The following ZNF506 variants were observed in gnomAD, a reference collection of about 807,000 sequenced individuals.
The protein encoded by ZNF506 is zinc finger protein 506.
In ZNF506, 10 loss-of-function variants were observed where a neutral mutation model predicts 11.6. That is an observed-to-expected ratio of 0.86 (90% CI 0.53 to 1.46). ZNF506 has a LOEUF of 1.46. Ranked by LOEUF, ZNF506 falls within the 40% of genes most tolerant of loss-of-function variation. ZNF506 has a pLI of 0.00. For synonymous variants in ZNF506, 156 were observed against 173.3 expected (o/e 0.90, Z 0.78); for missense variants, 425 against 521.2 (o/e 0.82, Z 1.80).
rs945142958 is a variant in ZNF506, at chr19:19,793,156, A to T, written c.*1396T>A. ...AAGAAACAAGTACACTTTCAATGAA[A>T]TTACAATGCTTCAGAAAATCTCCCT... is the stretch of plus-strand genomic sequence containing the variant. On this transcript the variant is annotated 3_prime_UTR_variant, in exon 4 of 4. Transcript: ENST00000540806. 1.4e-4 allele frequency among the ~76,000 whole-genome samples: 21 copies of T among 152,150 alleles called. 1 individual carries two copies. Among genetic ancestry groups the T allele is most frequent in the Non-Finnish European group, 1.5e-5 (1 of 68,008 alleles).
rs543859981 is a variant in ZNF506 at position 19,803,362 on chromosome 19, A to C, written c.226+2669T>G. 2.1e-4 allele frequency among the ~76,000 whole-genome samples: 32 copies of C among 152,306 alleles called. 2 individuals carry two copies. The South Asian group carries it at 6.6e-3, about 32-fold the overall frequency. ...TGACTCAGTTTCATTTACCTGTGCC[A>C]CAGTTTATGGTCAGTTCTGCCTACA... is the stretch of plus-strand genomic sequence containing the variant. On this transcript the variant is annotated intron_variant, in intron 3 of 3. Coordinates refer to ENST00000540806, the MANE Select transcript of ZNF506 (RefSeq NM_001099269.3).
chr19:19,808,108 CTT>C (rs757160026), intron 1 of ZNF506, among the ~76,000 whole-genome samples: 9 of 56,728 alleles, frequency 1.6e-4, no homozygotes, highest in African/African-American at 5.4e-4. Context: ...TCATTAACCA[CTT>C]TTTTTTTTTT....
intron 3 of ZNF506, chr19:19,798,160 A>G (rs1020323789): frequency 1.3e-5 from 2 of 152,240 alleles, no homozygotes; most frequent in African/African-American, 4.8e-5. Flanking sequence ...TTTAAAAGAT[A>G]AAAGTATGGA....
At chr19:19,817,831 C>CTT (rs35321486) in intron 1 of ZNF506, among the ~76,000 whole-genome samples, 1,276 of 127,574 alleles carry the variant, frequency 0.01, 33 homozygotes, top group African/African-American at 0.034. Context: ...TTTTAAGGTG[C>CTT]TTTTTTTTTT....
chr19:19,793,460 T>A lies in ZNF506; in HGVS notation c.*1092A>T, dbSNP rs3087767. 0.48 allele frequency among the ~76,000 whole-genome samples: 72,836 copies of A among 152,012 alleles called. 18,707 individuals are homozygous for A. Among genetic ancestry groups the A allele is most frequent in the East Asian group, 0.7 (3,621 of 5,176 alleles). On this transcript the variant is annotated 3_prime_UTR_variant, in exon 4 of 4. Transcript: ENST00000540806. ...ACTCTTCTCCAATATAAATTCCATG[T>A]TGTTGAATAAAGCTGGAGCAACTGC...
chr19:19,808,428 T>C (rs2062854885), intron 1 of ZNF506, among the ~76,000 whole-genome samples: 1 of 150,870 alleles, frequency 6.6e-6, no homozygotes, highest in Non-Finnish European at 1.5e-5. Flanking sequence ...CAGCCAATCA[T>C]TAACCATTAA....
chr19:19,816,570 G>A (rs1008272841), intron 1 of ZNF506, among the ~76,000 whole-genome samples: 1 of 152,126 alleles, frequency 6.6e-6, no homozygotes, highest in African/African-American at 2.4e-5. Flanking sequence ...CTGTTAGCCA[G>A]GATGGTCTCG....
rs1389450656 is a variant in ZNF506, at chr19:19,793,974, G to C, written c.*578C>G. On this transcript the variant is annotated 3_prime_UTR_variant, in exon 4 of 4. Coordinates refer to ENST00000540806, the MANE Select transcript of ZNF506 (RefSeq NM_001099269.3). ...CACTGTTGCATCTTTCAGGTTTGTA[G>C]AGTTCCTCTTCAGCATGAATTATCG... 6 of 153,518 alleles carry C rather than the reference G, an allele frequency of 3.9e-5. No homozygotes were observed. The highest frequency in any genetic ancestry group is 1.2e-4 in the African/African-American group (5 of 41,576). The allele number at this position is 153,518 out of a possible 1,614,324, so 9.5% of individuals were successfully genotyped here.
Position 19,795,496 on chromosome 19 carries a change from T to C in ZNF506, c.391A>G (p.Asn131Asp), listed in dbSNP as rs763274080. The C allele has an allele frequency of 8.8e-6, 14 of 1,598,550 alleles. No homozygotes were observed. Among genetic ancestry groups the C allele is most frequent in the Non-Finnish European group, 8.5e-7 (1 of 1,174,662 alleles). ...GTTGCCAAACATTGTTTAAGTCCAT[T>C]ATAACCTCTTTTGTGCACTGGACAC... ...DECPVHKRGY[N>D]GLKQCLATTQ... Residue 131 changes from asparagine (N) to aspartate (D), a missense_variant, in exon 4 of 4, where the codon AAT (asparagine) becomes GAT (aspartate). Transcript: ENST00000540806.
intron 1 of ZNF506, among the ~76,000 whole-genome samples, chr19:19,808,163 G>GC (rs1184118593): frequency 1.8e-5 from 2 of 110,732 alleles, no homozygotes; most frequent in South Asian, 3.0e-4. Flanking sequence ...TCGCTAGGTC[G>GC]CCCAGGCCGG....
At chr19:19,812,639 T>C (rs2062891985) in intron 1 of ZNF506, among the ~76,000 whole-genome samples, 2 of 152,198 alleles carry the variant, frequency 1.3e-5, no homozygotes, top group Admixed American at 1.3e-4. Flanking sequence ...AGAAAATGCC[T>C]TTTGTTAGTT....
intron 3 of ZNF506, 150 bp from the exon 4 acceptor site, chr19:19,795,810 G>A (rs1352629701): frequency 6.3e-6 from 5 of 798,750 alleles, no homozygotes; most frequent in Non-Finnish European, 7.3e-6. Context: ...ATATATAACT[G>A]TAACAAAAAC....
intron 1 of ZNF506, among the ~76,000 whole-genome samples, chr19:19,811,927 T>C (rs2062886589): frequency 1.3e-5 from 2 of 152,100 alleles, no homozygotes; most frequent in African/African-American, 4.8e-5. Context: ...AACCATATGA[T>C]GCACAATTCA....
At chr19:19,807,195 A>G in intron 1 of ZNF506, 127 bp from the exon 2 acceptor site, 3 of 1,463,080 alleles carry the variant, frequency 2.1e-6, no homozygotes, top group Non-Finnish European at 2.8e-6. Flanking sequence ...ATCCAATAAA[A>G]TGATTTTCAA....
chr19:19,811,790 A>G (rs922600099), intron 1 of ZNF506, among the ~76,000 whole-genome samples: 5 of 152,186 alleles, frequency 3.3e-5, no homozygotes, highest in Admixed American at 2.0e-4. Context: ...AATATAAAAA[A>G]AAGGAAATTA....
chr19:19,801,182 G>C (rs184405904), intron 3 of ZNF506, among the ~76,000 whole-genome samples: 22 of 151,716 alleles, frequency 1.5e-4, no homozygotes, highest in East Asian at 5.8e-4. Context: ...AAAAAGAAAA[G>C]AAAACAAAAC....
chr19:19,811,584 G>A lies in ZNF506; in HGVS notation c.4-4516C>T, dbSNP rs554355832. Among the ~76,000 whole-genome samples the A allele has an allele frequency of 1.7e-4, 26 of 152,136 alleles. No individual in the cohort carries two copies. The South Asian group carries it at 4.8e-3, about 28-fold the overall frequency. On this transcript the variant is annotated intron_variant, in intron 1 of 3. Transcript: ENST00000540806. ...TTTGGTAGGCCGAGGTGGGTGGATC[G>A]CGAGGTCAGGAGTTCAAGACCAGCC...
chr19:19,795,510 T>G lies in ZNF506; in HGVS notation c.377A>C (p.His126Pro), dbSNP rs1213673622. ...GCESVDECPV[H>P]KRGYNGLKQC... is the part of the protein sequence containing the mutation. ...TTTAAGTCCATTATAACCTCTTTTG[T>G]GCACTGGACACTCATCTACACTTTC... Residue 126 changes from histidine to proline, a missense_variant, in exon 4 of 4, where the codon CAC becomes CCC. By Grantham distance (77) the His-to-Pro change is moderately conservative. Coordinates refer to ENST00000540806, the MANE Select transcript of ZNF506 (RefSeq NM_001099269.3). The G allele has an allele frequency of 1.2e-6, 2 of 1,600,416 alleles. No homozygotes were observed. The highest frequency in any genetic ancestry group is 1.7e-6 in the Non-Finnish European group (2 of 1,175,282).
chr19:19,810,507 GT>G (rs1476003687), intron 1 of ZNF506, among the ~76,000 whole-genome samples: 1 of 152,168 alleles, frequency 6.6e-6, no homozygotes, highest in Non-Finnish European at 1.5e-5. Context: ...CCAGGATGTA[GT>G]TAAAGGTCCC....
Sources: gnomAD v4.1 joint callset for allele counts (sites outside exome capture counted in the v4.1 genomes callset) on GRCh38, gnomAD v4.1.1 for gene constraint, MANE v1.5 for transcripts, NCBI Gene and HGNC (gene_info 2026-07-23, HGNC 2026-07-21) for gene names.